DLC1: variants seen among roughly 807,000 people sequenced by gnomAD.
DLC1 encodes rho GTPase-activating protein 7.
A neutral mutation model predicts 140.3 loss-of-function variants in DLC1; 54 were observed. The observed-to-expected ratio is 0.38, with a 90% CI of 0.31 to 0.48. DLC1 has a LOEUF of 0.48. DLC1 is among the 20% of genes least tolerant of loss of function. The pLI, the probability that DLC1 is intolerant of heterozygous loss-of-function variation, is 0.96. For synonymous variants in DLC1, 986 were observed against 728.1 expected, an observed-to-expected ratio of 1.35 and a Z score of -5.70; for missense variants, 2,536 against 1,907.0, an observed-to-expected ratio of 1.33 and a Z score of -6.14.
intron 5 of DLC1, among the ~76,000 whole-genome samples, chr8:13,220,068 TC>T (rs1828466311): frequency 6.6e-6 from 1 of 152,138 alleles, no homozygotes; most frequent in African/African-American, 2.4e-5. Context: ...GGGGTTTCCT[TC>T]TGGGGCGATT....
chr8:13,514,915 T>C (rs1484425818), upstream of DLC1: 1 of 330,744 alleles, frequency 3.0e-6, no homozygotes, highest in East Asian at 4.6e-5. Flanking sequence ...TTCCTGCCTC[T>C]GAGGAGTGTG....
At chr8:13,118,197 C>A (rs185606829) in intron 5 of DLC1, among the ~76,000 whole-genome samples, 1 of 152,030 alleles carries the variant, frequency 6.6e-6, no homozygotes, top group East Asian at 1.9e-4. Flanking sequence ...TCTAATGGCC[C>A]TGTCTAACAA....
intron 2 of DLC1, among the ~76,000 whole-genome samples, chr8:13,428,047 G>C (rs1395156466): frequency 6.6e-6 from 1 of 152,194 alleles, no homozygotes; most frequent in African/African-American, 2.4e-5. Flanking sequence ...GAAGGGCTAT[G>C]ATGAAAGTTG....
At chr8:13,216,285 A>G (rs551971982) in intron 5 of DLC1, among the ~76,000 whole-genome samples, 11 of 152,336 alleles carry the variant, frequency 7.2e-5, no homozygotes, top group South Asian at 4.1e-4. Context: ...AGTTGTTACA[A>G]TTATTTTCAT....
intron 1 of DLC1, chr8:13,568,016 C>G: frequency 6.9e-7 from 1 of 1,442,264 alleles, no homozygotes; most frequent in South Asian, 1.5e-5. Context: ...ACTTGGGAAA[C>G]TAACTTAAGA....
rs146481702 is a variant in DLC1 at position 13,466,862 on chromosome 8, G to A, written c.1023+32187C>T. Among the ~76,000 whole-genome samples, 17 of 151,834 alleles carry A rather than the reference G, an allele frequency of 1.1e-4. No homozygotes were observed. The East Asian group carries it at 3.3e-3, about 29-fold the overall frequency. ...CAAATTAAAGTCATAATGAGGTACC[G>A]TTTTACACCCTGTAGACTGGCAATA... On this transcript the variant is annotated intron_variant, in intron 2 of 17. Transcript: ENST00000276297.
intron 5 of DLC1, among the ~76,000 whole-genome samples, chr8:13,178,696 C>T (rs1388144157): frequency 1.3e-5 from 2 of 151,342 alleles, no homozygotes; most frequent in African/African-American, 2.4e-5. Context: ...TTTCGTATCC[C>T]CAATTTATAA....
At chr8:13,558,483 GTT>G (rs1170366858) in intron 1 of DLC1, 1 of 152,086 alleles carries the variant, frequency 6.6e-6, no homozygotes, top group African/African-American at 2.4e-5. Flanking sequence ...AAATTTATAA[GTT>G]TTGAGGAACT....
At chr8:13,238,952 C>T (rs112352087) in intron 5 of DLC1, among the ~76,000 whole-genome samples, 4 of 152,176 alleles carry the variant, frequency 2.6e-5, no homozygotes, top group African/African-American at 7.2e-5. Context: ...GGAAAGTGCA[C>T]AGTCCCTGGC....
chr8:13,247,079 C>A (rs1411652786), intron 5 of DLC1, among the ~76,000 whole-genome samples: 1 of 152,160 alleles, frequency 6.6e-6, no homozygotes, highest in Non-Finnish European at 1.5e-5. Context: ...ACCTATTGCC[C>A]AGAAAGAAAT....
At chr8:13,480,760 C>T (rs922933484) in intron 2 of DLC1, among the ~76,000 whole-genome samples, 2 of 151,988 alleles carry the variant, frequency 1.3e-5, no homozygotes, top group African/African-American at 4.8e-5. Flanking sequence ...AAAAAATTTG[C>T]CAGGCGTGGT....
intron 2 of DLC1, among the ~76,000 whole-genome samples, chr8:13,451,110 G>C (rs893071975): frequency 4.1e-5 from 5 of 121,956 alleles, no homozygotes; most frequent in African/African-American, 1.5e-4. Flanking sequence ...ATTTTCTTAA[G>C]ATAACAACGA....
intron 5 of DLC1, among the ~76,000 whole-genome samples, chr8:13,121,217 T>C (rs769347893): frequency 2.9e-4 from 44 of 152,224 alleles, no homozygotes; most frequent in Non-Finnish European, 5.0e-4. Flanking sequence ...GATGCTTTTA[T>C]TGCTAGAGAA....
chr8:13,161,362 G>T (rs1824685342), intron 5 of DLC1, among the ~76,000 whole-genome samples: 4 of 152,090 alleles, frequency 2.6e-5, no homozygotes, highest in Admixed American at 2.6e-4. Context: ...GTTTGAGACA[G>T]AATTTCACTC....
chr8:13,599,546 G>T (rs914307853), intron 1 of DLC1, among the ~76,000 whole-genome samples: 4 of 151,854 alleles, frequency 2.6e-5, no homozygotes, highest in African/African-American at 9.7e-5. Context: ...AATGAAGAAG[G>T]CATGAACAAA....
intron 5 of DLC1, among the ~76,000 whole-genome samples, chr8:13,296,343 G>A: frequency 6.6e-6 from 1 of 152,068 alleles, no homozygotes; most frequent in East Asian, 1.9e-4. Context: ...TTTCTTCTGA[G>A]AAGATTGAAA....
intron 1 of DLC1, among the ~76,000 whole-genome samples, chr8:13,509,025 C>T (rs757010217): frequency 3.1e-4 from 47 of 152,098 alleles, no homozygotes; most frequent in Non-Finnish European, 6.5e-4. Context: ...TGATATTAAA[C>T]GTGTGGCTGA....
At chr8:13,384,293 A>G (rs9694720) in intron 4 of DLC1, among the ~76,000 whole-genome samples, 1,907 of 150,944 alleles carry the variant, frequency 0.013, 45 homozygotes, top group African/African-American at 0.041. Context: ...AGGAAAAGGA[A>G]GCAGAACACT....
chr8:13,269,485 C>G (rs530410776), intron 5 of DLC1, among the ~76,000 whole-genome samples: 136 of 152,066 alleles, frequency 8.9e-4, no homozygotes, highest in Non-Finnish European at 1.6e-3. Flanking sequence ...GTAGTCCCAG[C>G]TGGGAGGATC....
Sources: gnomAD v4.1 joint callset for allele counts (sites outside exome capture counted in the v4.1 genomes callset) on GRCh38, gnomAD v4.1.1 for gene constraint, MANE v1.5 for transcripts, NCBI Gene and HGNC (gene_info 2026-07-23, HGNC 2026-07-21) for gene names.